SUCO: variants seen among roughly 807,000 people sequenced by gnomAD.
SUCO encodes SUN domain-containing ossification factor.
In SUCO, 57 loss-of-function variants were observed where a neutral mutation model predicts 148.1. That is an observed-to-expected ratio of 0.38 (90% CI 0.31 to 0.48). The LOEUF (loss-of-function observed/expected upper bound fraction) is 0.48. SUCO is among the 20% of genes least tolerant of loss of function. SUCO has a pLI of 0.96. For synonymous variants in SUCO, 470 were observed against 502.7 expected (o/e 0.93, Z 0.87); for missense variants, 1,331 against 1,468.2 (o/e 0.91, Z 1.53).
upstream of SUCO, chr1:172,533,084 G>T: frequency 7.0e-7 from 1 of 1,430,038 alleles, no homozygotes; most frequent in South Asian, 1.5e-5. Context: ...GCTGTTGAGA[G>T]GCGAGTACGC....
chr1:172,577,301 CTTAAAG>C (rs1256275454), intron 11 of SUCO, among the ~76,000 whole-genome samples: 2 of 151,644 alleles, frequency 1.3e-5, no homozygotes, highest in East Asian at 1.9e-4. Flanking sequence ...AACTTATAAC[CTTAAAG>C]TTAATTTATT....
At chr1:172,601,961 T>TAAAGA in intron 20 of SUCO, 103 bp from the exon 21 acceptor site, 1 of 1,223,340 alleles carries the variant, frequency 8.2e-7, no homozygotes, top group Non-Finnish European at 1.1e-6. Flanking sequence ...TGAAGCACAT[T>TAAAGA]AAAAAAATAC....
At chr1:172,603,022 GT>G (rs1657634413) in intron 22 of SUCO, 3 of 437,206 alleles carry the variant, frequency 6.9e-6, no homozygotes, top group South Asian at 7.3e-5. Flanking sequence ...TGGTAGCTTT[GT>G]TTGCACATGC....
chr1:172,566,403 A>G (rs1048950321), intron 6 of SUCO, among the ~76,000 whole-genome samples: 5 of 152,118 alleles, frequency 3.3e-5, no homozygotes, highest in Admixed American at 6.5e-5. Context: ...AGTCACTGCC[A>G]TCTCTGCTTT....
chr1:172,611,232 G>C lies in SUCO; in HGVS notation c.*973G>C, dbSNP rs1571309710. 6.6e-6 allele frequency: 1 copy of C among 152,644 alleles called. No homozygotes were observed. Among genetic ancestry groups the C allele is most frequent in the Non-Finnish European group, 1.5e-5 (1 of 68,030 alleles). The allele number at this position is 152,644 out of a possible 1,614,324, so 9.5% of individuals were successfully genotyped here. A position where few individuals can be genotyped will look rare whatever the true frequency, so the allele number is the denominator to read the frequency against. On this transcript the variant is annotated 3_prime_UTR_variant, in exon 24 of 24. Coordinates refer to ENST00000263688, the MANE Select transcript of SUCO (RefSeq NM_014283.5). ...TGTCAAGCTTAATCTAATTGGTTAA[G>C]TCTAAAGAGATTATTATTCCTTGAT...
intron 4 of SUCO, 73 bp from the exon 5 acceptor site, chr1:172,557,206 CT>C: frequency 6.6e-7 from 1 of 1,518,514 alleles, no homozygotes; most frequent in Non-Finnish European, 8.9e-7. Flanking sequence ...TTGGAAATCA[CT>C]AATAGTGTTT....
At chr1:172,606,242 G>T (rs1226832307) in intron 22 of SUCO, among the ~76,000 whole-genome samples, 2 of 150,436 alleles carry the variant, frequency 1.3e-5, no homozygotes, top group East Asian at 3.9e-4. Context: ...GGTATGTAAG[G>T]TTTATAAAAA....
At chr1:172,607,670 T>A (rs533737717) in intron 22 of SUCO, among the ~76,000 whole-genome samples, 23 of 151,618 alleles carry the variant, frequency 1.5e-4, no homozygotes, top group Middle Eastern at 3.4e-3. Context: ...TGATTTTTTT[T>A]AAAAAAAACA....
chr1:172,571,129 C>T (rs1654933806), intron 9 of SUCO, among the ~76,000 whole-genome samples: 1 of 152,250 alleles, frequency 6.6e-6, no homozygotes, highest in Admixed American at 6.5e-5. Flanking sequence ...GGGGGTACTG[C>T]TGCCATCTCG....
intron 1 of SUCO, among the ~76,000 whole-genome samples, chr1:172,538,742 G>A (rs1364226955): frequency 6.6e-6 from 1 of 152,044 alleles, no homozygotes; most frequent in Non-Finnish European, 1.5e-5. Flanking sequence ...GTGAAAGACT[G>A]AGGAAAAAAA....
chr1:172,587,311 C>T (rs1656314872), intron 17 of SUCO, among the ~76,000 whole-genome samples: 2 of 151,986 alleles, frequency 1.3e-5, no homozygotes, highest in South Asian at 4.1e-4. Context: ...TAGGATGTCA[C>T]TGTTAAAGTT....
intron 18 of SUCO, 138 bp downstream of exon 18, chr1:172,590,064 A>G: frequency 1.5e-6 from 1 of 666,492 alleles, no homozygotes. Context: ...AAGAGAGAGA[A>G]AGAAAGCTAC....
chr1:172,592,910 C>T (rs1333578041), intron 19 of SUCO, among the ~76,000 whole-genome samples: 1 of 152,208 alleles, frequency 6.6e-6, no homozygotes, highest in Non-Finnish European at 1.5e-5. Context: ...TACCCATGAA[C>T]ATGGGATGTT....
intron 2 of SUCO, 197 bp from the exon 3 acceptor site, chr1:172,553,063 C>T (rs571027148): frequency 2.6e-4 from 64 of 241,644 alleles, no homozygotes; most frequent in Non-Finnish European, 3.9e-4. Flanking sequence ...TGGTGTATTG[C>T]ACATTTTAAA....
At chr1:172,555,182 TGAA>T (rs1403681294) in intron 3 of SUCO, among the ~76,000 whole-genome samples, 12 of 152,150 alleles carry the variant, frequency 7.9e-5, no homozygotes, top group Admixed American at 7.9e-4. Context: ...ATGGTATAGT[TGAA>T]GAAGAGAGGG....
In SUCO at chr1:172,577,713, A is replaced by G. The variant is rs919662005; in HGVS notation, c.1285-51A>G. 1.9e-6 allele frequency: 3 copies of G among 1,587,008 alleles called. No individual in the cohort carries two copies. The East Asian group carries it at 6.7e-5, about 36-fold the overall frequency. On this transcript the variant is annotated intron_variant, in intron 12 of 23. Coordinates refer to ENST00000263688, the MANE Select transcript of SUCO (RefSeq NM_014283.5). The stretch of plus-strand genomic sequence containing the variant: ...AAAAAACTGAGTATATTGTTAGATA[A>G]TCTTACATGCTCTCTGCTGGCTTCC...
intron 22 of SUCO, 192 bp downstream of exon 22, chr1:172,602,979 G>T: frequency 2.0e-6 from 1 of 505,898 alleles, no homozygotes; most frequent in Non-Finnish European, 3.5e-6. Context: ...AAAGCCCAGA[G>T]GGTAGGGAGG....
intron 4 of SUCO, 25 bp downstream of exon 4, chr1:172,556,048 C>A (rs1390639096): frequency 8.3e-6 from 13 of 1,568,374 alleles, no homozygotes; most frequent in Admixed American, 7.1e-5. Context: ...AAAACAAACA[C>A]AAAAAAGAAT....
chr1:172,602,313 T>C, intron 21 of SUCO, 95 bp downstream of exon 21: 1 of 1,388,924 alleles, frequency 7.2e-7, no homozygotes, highest in Non-Finnish European at 9.5e-7. Context: ...ACTGAGGTAA[T>C]TTCTTTCCCT....
Sources: gnomAD v4.1 joint callset for allele counts (sites outside exome capture counted in the v4.1 genomes callset) on GRCh38, gnomAD v4.1.1 for gene constraint, MANE v1.5 for transcripts, NCBI Gene and HGNC (gene_info 2026-07-23, HGNC 2026-07-21) for gene names.